ZFHX4: variants seen among roughly 807,000 people sequenced by gnomAD.
ZFHX4 encodes zinc finger homeobox protein 4.
Under a neutral mutation model 267.6 loss-of-function variants are expected in ZFHX4, and 56 were observed. The ratio of observed to expected loss-of-function variants is 0.21; its 90% CI spans 0.17 to 0.26. The LOEUF (loss-of-function observed/expected upper bound fraction) is 0.26. ZFHX4 is among the 10% of genes least tolerant of loss of function. The pLI, the probability that ZFHX4 is intolerant of heterozygous loss-of-function variation, is 1.00. For missense variants in ZFHX4, 4,332 were observed against 4,420.0 expected (o/e 0.98, Z 0.56); for synonymous variants, 1,778 against 1,665.6 (o/e 1.07, Z -1.64).
intron 3 of ZFHX4, among the ~76,000 whole-genome samples, chr8:76,774,051 G>T (rs1810341712): frequency 6.6e-6 from 1 of 152,122 alleles, no homozygotes; most frequent in Non-Finnish European, 1.5e-5. Context: ...CCCTGGAGCA[G>T]ACTCTAGTCC....
intron 5 of ZFHX4, among the ~76,000 whole-genome samples, chr8:76,835,025 C>T (rs1444851172): frequency 2.0e-5 from 3 of 149,930 alleles, no homozygotes; most frequent in African/African-American, 7.3e-5. Context: ...TTTTTCACAT[C>T]GATATTTATG....
chr8:76,693,257 C>T (rs1237493325), intron 1 of ZFHX4: 3 of 152,074 alleles, frequency 2.0e-5, no homozygotes, highest in Non-Finnish European at 2.9e-5. Context: ...TGGAATCTGC[C>T]TTTCCTCTTG....
At chr8:76,703,864 A>G (rs1338761504) in intron 1 of ZFHX4, among the ~76,000 whole-genome samples, 179 bp from the exon 2 acceptor site, 1 of 152,220 alleles carries the variant, frequency 6.6e-6, no homozygotes, top group East Asian at 1.9e-4. Flanking sequence ...AGCTATCTAC[A>G]TTATTTTGCT....
At chr8:76,784,860 C>G (rs930448201) in intron 4 of ZFHX4, among the ~76,000 whole-genome samples, 1 of 152,020 alleles carries the variant, frequency 6.6e-6, no homozygotes, top group Non-Finnish European at 1.5e-5. Context: ...GGCATCTTAA[C>G]AGAATGTGCC....
intron 3 of ZFHX4, among the ~76,000 whole-genome samples, chr8:76,767,652 A>G (rs988524430): frequency 6.6e-6 from 1 of 152,236 alleles, no homozygotes. Context: ...ATTTTAAAAA[A>G]GAAATTAAGC....
intron 3 of ZFHX4, among the ~76,000 whole-genome samples, chr8:76,718,151 T>G (rs1808627859): frequency 6.6e-6 from 1 of 152,202 alleles, no homozygotes. Flanking sequence ...GTAGGTGGTA[T>G]CAGAGATGGA....
chr8:76,723,662 T>C (rs1808781241), intron 3 of ZFHX4, among the ~76,000 whole-genome samples: 1 of 151,772 alleles, frequency 6.6e-6, no homozygotes, highest in Admixed American at 6.6e-5. Flanking sequence ...TCAAGCAGGA[T>C]GGACATAGGC....
chr8:76,778,691 C>T (rs1810469229), intron 4 of ZFHX4, among the ~76,000 whole-genome samples: 1 of 152,184 alleles, frequency 6.6e-6, no homozygotes, highest in Non-Finnish European at 1.5e-5. Context: ...GGTTATGAAA[C>T]TCTACCTTGG....
At chr8:76,808,795 G>T (rs1811305038) in intron 4 of ZFHX4, among the ~76,000 whole-genome samples, 1 of 152,080 alleles carries the variant, frequency 6.6e-6, no homozygotes, top group African/African-American at 2.4e-5. Context: ...ATGCCTGCTA[G>T]GCATATTCTT....
intron 2 of ZFHX4, 55 bp from the exon 3 acceptor site, chr8:76,707,491 G>T: frequency 7.1e-7 from 1 of 1,401,830 alleles, no homozygotes; most frequent in South Asian, 1.5e-5. Context: ...AGATTCCTTT[G>T]TGTGTGCTGT....
chr8:76,730,879 G>T (rs1186426109), intron 3 of ZFHX4, among the ~76,000 whole-genome samples: 2 of 152,106 alleles, frequency 1.3e-5, no homozygotes, highest in Admixed American at 6.6e-5. Flanking sequence ...ATGTAGCGAG[G>T]AATGTTTTAC....
chr8:76,709,743 T>G (rs1808372992), intron 3 of ZFHX4, among the ~76,000 whole-genome samples: 1 of 152,004 alleles, frequency 6.6e-6, no homozygotes, highest in Non-Finnish European at 1.5e-5. Flanking sequence ...CAGAAAACAT[T>G]TAATCTAACT....
chr8:76,706,744 A>G, intron 2 of ZFHX4, 66 bp downstream of exon 2: 1 of 1,445,182 alleles, frequency 6.9e-7, no homozygotes, highest in Non-Finnish European at 9.1e-7. Context: ...GGCGTGATGC[A>G]CCCAGATAAA....
chr8:76,734,311 C>T (rs893621804), intron 3 of ZFHX4, among the ~76,000 whole-genome samples: 3 of 151,924 alleles, frequency 2.0e-5, no homozygotes, highest in Admixed American at 6.6e-5. Flanking sequence ...CCAGTGAGGC[C>T]GTGAAAACAA....
At chr8:76,809,468 T>C (rs1811323185) in intron 4 of ZFHX4, among the ~76,000 whole-genome samples, 1 of 152,198 alleles carries the variant, frequency 6.6e-6, no homozygotes. Context: ...CAAATTGTAT[T>C]ACATGAAATT....
At chr8:76,686,746 G>C (rs1807701551) in intron 1 of ZFHX4, among the ~76,000 whole-genome samples, 1 of 152,126 alleles carries the variant, frequency 6.6e-6, no homozygotes, top group Non-Finnish European at 1.5e-5. Context: ...CCTTTGAGAA[G>C]ATACTCGTTA....
In ZFHX4 at chr8:76,856,195, A is replaced by G. The variant is rs923032011; in HGVS notation, c.9274A>G (p.Ile3092Val). 2.5e-6 allele frequency: 4 copies of G among 1,613,864 alleles called. No individual in the cohort carries two copies. Among genetic ancestry groups the G allele is most frequent in the Non-Finnish European group, 3.4e-6 (4 of 1,179,872 alleles). Residue 3092 changes from isoleucine (I) to valine (V), a missense_variant, in exon 10 of 11, where the codon ATC becomes GTC. Physicochemically the swap from Ile to Val is conservative, Grantham distance 29. This residue lies in a region of ZFHX4 where 1,648 missense variants were observed against 1,625.0 expected (regional missense o/e 1.01). Coordinates refer to ENST00000651372, the MANE Select transcript of ZFHX4 (RefSeq NM_024721.5). ...GATGGACAGCAGTTCTCTCCACGGC[A>G]TCAGCCTGCCAACAGCCTACCCCGG... ...GMMDSSSLHG[I>V]SLPTAYPGLP...
chr8:76,706,645 C>G lies in ZFHX4; in HGVS notation c.2557C>G (p.Pro853Ala). ...GATGATCAATCCATTCCAGCTGGAT[C>G]CAGCGACAGCAGCGGCTTTGGCACC... ...QLMINPFQLD[P>A]ATAAALAPGL... Residue 853 changes from proline to alanine, a missense_variant, in exon 2 of 11, where the codon CCA becomes GCA. Physicochemically the swap from Pro to Ala is conservative, Grantham distance 27. Around this residue, in one of 7 missense-constraint regions of ZFHX4, gnomAD observed 1,195 missense variants for 1,173.6 expected, o/e 1.02. Coordinates refer to ENST00000651372, the MANE Select transcript of ZFHX4 (RefSeq NM_024721.5). The G allele has an allele frequency of 1.3e-6, 2 of 1,598,294 alleles. No individual in the cohort carries two copies. Among genetic ancestry groups the G allele is most frequent in the Non-Finnish European group, 1.7e-6 (2 of 1,174,242 alleles).
chr8:76,839,572 A>G (rs1437876414), intron 5 of ZFHX4, among the ~76,000 whole-genome samples: 1 of 152,200 alleles, frequency 6.6e-6, no homozygotes, highest in African/African-American at 2.4e-5. Flanking sequence ...TGGCATATCC[A>G]TATGCTGTAT....
Sources: allele counts gnomAD v4.1 joint callset (sites outside exome capture counted in the v4.1 genomes callset), GRCh38; gene constraint gnomAD v4.1.1; regional missense constraint gnomAD v4.1.1; transcripts MANE v1.5; gene names NCBI Gene and HGNC (gene_info 2026-07-23, HGNC 2026-07-21).